The following SVOPL variants were observed in gnomAD, a reference collection of about 807,000 sequenced individuals.
SVOPL encodes SVOP like, also known as putative transporter SVOPL.
In SVOPL, 60 loss-of-function variants were observed where a neutral mutation model predicts 61.0. The observed-to-expected ratio is 0.98, with a 90% CI of 0.80 to 1.22. The LOEUF is 1.22. Ranked by LOEUF, SVOPL falls within the 50% of genes most tolerant of loss-of-function variation. The probability of loss-of-function intolerance (pLI) is 0.00; values close to 1 mark genes in which losing one functional copy is unlikely to be tolerated. For synonymous variants in SVOPL, 279 were observed against 250.0 expected, an observed-to-expected ratio of 1.12 and a Z score of -1.09; for missense variants, 662 against 643.9, an observed-to-expected ratio of 1.03 and a Z score of -0.30.
chr7:138,638,674 G>T (rs1053747674), intron 9 of SVOPL, among the ~76,000 whole-genome samples: 1 of 151,776 alleles, frequency 6.6e-6, no homozygotes, highest in African/African-American at 2.4e-5. Context: ...AGAATTTAAG[G>T]TCCAAAGCCA....
At chr7:138,652,430 TC>T (rs1483793930) in intron 7 of SVOPL, among the ~76,000 whole-genome samples, 1 of 151,222 alleles carries the variant, frequency 6.6e-6, no homozygotes, top group East Asian at 2.0e-4. Context: ...CAAGCAATCC[TC>T]CCACCTTGGC....
intron 5 of SVOPL, chr7:138,661,498 T>C (rs1801998724): frequency 3.1e-6 from 3 of 982,760 alleles, no homozygotes; most frequent in Non-Finnish European, 1.2e-6. Flanking sequence ...CCCGCACCCA[T>C]GCCCAGGGTA....
At chr7:138,621,208 TC>T in intron 13 of SVOPL, 73 bp from the exon 14 acceptor site, 1 of 1,329,832 alleles carries the variant, frequency 7.5e-7, no homozygotes, top group South Asian at 1.4e-5. Flanking sequence ...TTCCCCTTCC[TC>T]CCCAGGTCAG....
chr7:138,612,447 TAAAAAAAAAA>T lies in SVOPL; in HGVS notation c.1353+8589_1353+8598del, dbSNP rs59229265. On this transcript the variant is annotated intron_variant, in intron 14 of 15. Coordinates refer to ENST00000674285, the MANE Select transcript of SVOPL (RefSeq NM_001139456.2). ...AATAAAATAAAAAATAAAAAAAAAA[TAAAAAAAAAA>T]AAAAAAGAAAGATAAGACTTTATCT... 9.0e-5 allele frequency among the ~76,000 whole-genome samples: 2 copies of T among 22,298 alleles called. 1 individual carries two copies. Among genetic ancestry groups the T allele is most frequent in the Non-Finnish European group, 1.8e-4 (2 of 10,866 alleles). 14.6% of individuals were successfully genotyped at this position (22,298 alleles called of 152,430 possible).
chr7:138,615,560 C>CAAAAAAAAAAAAAAAAAAAAAAAAA (rs770404185), intron 14 of SVOPL, among the ~76,000 whole-genome samples: 2 of 5,526 alleles, frequency 3.6e-4, no homozygotes, highest in African/African-American at 6.7e-4. Flanking sequence ...ACTCCGTCTC[C>CAAAAAAAAAAAAAAAAAAAAAAAAA]AAAAAAAAAA....
chr7:138,658,131 T>A (rs956752980), intron 6 of SVOPL, among the ~76,000 whole-genome samples: 1 of 152,186 alleles, frequency 6.6e-6, no homozygotes, highest in African/African-American at 2.4e-5. Context: ...TCTTGTGATG[T>A]GTATCTTGTG....
intron 4 of SVOPL, among the ~76,000 whole-genome samples, chr7:138,667,650 C>T (rs1194165202): frequency 6.6e-6 from 1 of 152,208 alleles, no homozygotes; most frequent in Admixed American, 6.5e-5. Context: ...TTCCTACATG[C>T]TTTCTTTCCT....
At chr7:138,657,874 C>A (rs1386989535) in intron 6 of SVOPL, among the ~76,000 whole-genome samples, 1 of 152,130 alleles carries the variant, frequency 6.6e-6, no homozygotes, top group Admixed American at 6.6e-5. Flanking sequence ...CCTGTGAATT[C>A]AAGGGGAGGG....
chr7:138,674,359 G>A (rs893172127), intron 3 of SVOPL, among the ~76,000 whole-genome samples: 2 of 151,962 alleles, frequency 1.3e-5, no homozygotes, highest in Non-Finnish European at 2.9e-5. Context: ...GGCCTGAACA[G>A]GTGGAGGGGC....
intron 3 of SVOPL, among the ~76,000 whole-genome samples, chr7:138,674,775 G>A (rs1388207281): frequency 6.6e-6 from 1 of 151,052 alleles, no homozygotes; most frequent in African/African-American, 2.4e-5. Flanking sequence ...AGAATGGCGT[G>A]AACCCAGGAG....
chr7:138,668,121 C>T (rs550613659), intron 4 of SVOPL, among the ~76,000 whole-genome samples: 2 of 152,234 alleles, frequency 1.3e-5, no homozygotes, highest in Admixed American at 1.3e-4. Context: ...TAAACTGGTT[C>T]ATCTGATCTT....
intron 8 of SVOPL, among the ~76,000 whole-genome samples, chr7:138,648,633 G>A (rs56134811): frequency 0.16 from 24,313 of 151,700 alleles, 3,317 homozygotes; most frequent in African/African-American, 0.35. Context: ...GCGTGAACCC[G>A]GGAGGCGGAG....
intron 14 of SVOPL, among the ~76,000 whole-genome samples, chr7:138,602,756 G>A (rs1009412428): frequency 6.6e-6 from 1 of 151,890 alleles, no homozygotes; most frequent in African/African-American, 2.4e-5. Flanking sequence ...CCCTTCTCTT[G>A]CTCTCTCAGG....
chr7:138,627,403 A>AAT lies in SVOPL; in HGVS notation c.1126_1127dup (p.Thr377LeufsTer22). 6.2e-7 allele frequency: 1 copy of AAT among 1,613,830 alleles called. No homozygotes were observed. Among genetic ancestry groups the AAT allele is most frequent in the Non-Finnish European group, 8.5e-7 (1 of 1,179,706 alleles). ...AGAATAAAGCCGTGCATCCCATGGT[A>AAT]ATAGAAAGGCTCAGCCGTCTTCCCA... On this transcript the variant is annotated frameshift_variant, in exon 12 of 16. Coordinates refer to ENST00000674285, the MANE Select transcript of SVOPL (RefSeq NM_001139456.2). LOFTEE classifies it high-confidence loss of function.
chr7:138,635,008 C>A (rs1194185309), intron 9 of SVOPL, among the ~76,000 whole-genome samples: 1 of 152,084 alleles, frequency 6.6e-6, no homozygotes, highest in Non-Finnish European at 1.5e-5. Flanking sequence ...GTGGCTCATG[C>A]CTGTAATCCC....
chr7:138,685,988 C>T (rs1584868842), intron 1 of SVOPL, among the ~76,000 whole-genome samples: 1 of 152,170 alleles, frequency 6.6e-6, no homozygotes, highest in African/African-American at 2.4e-5. Flanking sequence ...CCAAACTCTT[C>T]AAGTTGTATA....
intron 14 of SVOPL, among the ~76,000 whole-genome samples, chr7:138,599,161 A>AC (rs1563078204): frequency 1.8e-5 from 2 of 110,512 alleles, no homozygotes; most frequent in Admixed American, 8.7e-5. Context: ...AAAAAAACCA[A>AC]AAAAAAAAGA....
intron 9 of SVOPL, among the ~76,000 whole-genome samples, chr7:138,638,188 G>A (rs777848361): frequency 1.3e-5 from 2 of 148,548 alleles, no homozygotes; most frequent in East Asian, 2.0e-4. Flanking sequence ...CAGGAGAATC[G>A]CTTGGACCCA....
chr7:138,676,442 G>A (rs1392017840), intron 3 of SVOPL, among the ~76,000 whole-genome samples: 1 of 151,788 alleles, frequency 6.6e-6, no homozygotes, highest in East Asian at 1.9e-4. Flanking sequence ...CTTCGAGAGT[G>A]GAGGAACCAC....
Sources: allele counts gnomAD v4.1 joint callset (sites outside exome capture counted in the v4.1 genomes callset), GRCh38; gene constraint gnomAD v4.1.1; transcripts MANE v1.5; gene names NCBI Gene and HGNC (gene_info 2026-07-23, HGNC 2026-07-21).